TTC6: variants seen among roughly 807,000 people sequenced by gnomAD.
The protein encoded by TTC6 is tetratricopeptide repeat protein 6.
Under a neutral mutation model 210.4 loss-of-function variants are expected in TTC6, and 172 were observed. The observed-to-expected ratio is 0.82, with a 90% CI of 0.72 to 0.93. TTC6 has a LOEUF of 0.93. Ranked by LOEUF, TTC6 falls within the 40% of genes least tolerant of loss-of-function variation. TTC6 has a pLI of 0.00. For missense variants in TTC6, 2,414 were observed against 2,318.1 expected (o/e 1.04, Z -0.85); for synonymous variants, 804 against 819.6 (o/e 0.98, Z 0.32).
At chr14:37,822,124 T>A (rs2096159311) in intron 26 of TTC6, among the ~76,000 whole-genome samples, 1 of 152,144 alleles carries the variant, frequency 6.6e-6, no homozygotes, top group Non-Finnish European at 1.5e-5. Context: ...GGTGCAGCAC[T>A]CAGGCTGTGT....
chr14:37,623,744 A>G (rs1036109720), intron 1 of TTC6, among the ~76,000 whole-genome samples: 1 of 152,326 alleles, frequency 6.6e-6, no homozygotes, highest in Non-Finnish European at 1.5e-5. Context: ...CTCATCCAAG[A>G]CACTGAGCTG....
At chr14:37,763,556 T>TC (rs2095990580) in intron 14 of TTC6, among the ~76,000 whole-genome samples, 1 of 152,176 alleles carries the variant, frequency 6.6e-6, no homozygotes, top group Non-Finnish European at 1.5e-5. Flanking sequence ...AGGAATTTCG[T>TC]CATTTCTTCT....
At chr14:37,676,002 C>A (rs1229788745) in intron 1 of TTC6, among the ~76,000 whole-genome samples, 2 of 152,018 alleles carry the variant, frequency 1.3e-5, no homozygotes, top group East Asian at 3.9e-4. Flanking sequence ...TGATTCACAG[C>A]AGAGAGTTAG....
intron 5 of TTC6, among the ~76,000 whole-genome samples, chr14:37,712,272 C>T (rs1272377267): frequency 1.3e-5 from 2 of 152,132 alleles, no homozygotes; most frequent in African/African-American, 4.8e-5. Context: ...GGCATAGAGC[C>T]AGAGAAAAGT....
intron 14 of TTC6, among the ~76,000 whole-genome samples, chr14:37,755,725 T>C (rs2095965574): frequency 6.6e-6 from 1 of 152,218 alleles, no homozygotes; most frequent in Admixed American, 6.5e-5. Context: ...TCTGTTTTGA[T>C]ACCAGAACCA....
intron 1 of TTC6, among the ~76,000 whole-genome samples, chr14:37,675,515 G>A (rs1595091034): frequency 6.6e-6 from 1 of 152,174 alleles, no homozygotes; most frequent in South Asian, 2.1e-4. Flanking sequence ...TGTCTATTGT[G>A]AATAGTGCTG....
chr14:37,750,201 C>T (rs994525232), intron 12 of TTC6, among the ~76,000 whole-genome samples: 1 of 152,090 alleles, frequency 6.6e-6, no homozygotes, highest in Non-Finnish European at 1.5e-5. Context: ...AGTTATTGTG[C>T]GCCTAGGATT....
Position 37,721,035 on chromosome 14 carries a change from A to AT in TTC6, c.1714-3861dup, listed in dbSNP as rs534278137. On this transcript the variant is annotated intron_variant, in intron 6 of 30. Transcript: ENST00000553443. ...TCTTAAAACTGCCTGTGAATCTACA[A>AT]TTATCTCAAAATAAAAATCCTAATA... 9.5e-4 allele frequency among the ~76,000 whole-genome samples: 144 copies of AT among 151,886 alleles called. No homozygotes were observed. In the Middle Eastern group the frequency reaches 0.021, roughly 22 times the overall value.
At chr14:37,834,699 A>G (rs1477316457) in intron 29 of TTC6, among the ~76,000 whole-genome samples, 1 of 152,100 alleles carries the variant, frequency 6.6e-6, no homozygotes, top group African/African-American at 2.4e-5. Flanking sequence ...GGGGTCTGCT[A>G]CTGTAGATTT....
At chr14:37,605,688 C>A (rs990789905) in intron 1 of TTC6, among the ~76,000 whole-genome samples, 1 of 152,148 alleles carries the variant, frequency 6.6e-6, no homozygotes, top group African/African-American at 2.4e-5. Flanking sequence ...ACCTCAAACT[C>A]AGTAAAATCT....
chr14:37,632,990 C>G (rs2139349974), intron 1 of TTC6, among the ~76,000 whole-genome samples: 1 of 152,328 alleles, frequency 6.6e-6, no homozygotes, highest in Admixed American at 6.5e-5. Flanking sequence ...CCTTGAGTGT[C>G]CCAGGTTGAC....
intron 29 of TTC6, among the ~76,000 whole-genome samples, chr14:37,835,211 GGT>G (rs1316621265): frequency 6.6e-6 from 1 of 152,096 alleles, no homozygotes; most frequent in African/African-American, 2.4e-5. Context: ...AAGCACCAGT[GGT>G]GTCCATGGCA....
intron 10 of TTC6, among the ~76,000 whole-genome samples, chr14:37,742,040 A>G (rs1214849706): frequency 1.3e-5 from 2 of 151,908 alleles, no homozygotes; most frequent in African/African-American, 4.8e-5. Context: ...ACTCCCTTGT[A>G]CCCACTGCCT....
exon 1 of TTC6, chr14:37,622,299 C>T: frequency 2.6e-6 from 4 of 1,534,900 alleles, no homozygotes; most frequent in Non-Finnish European, 3.5e-6. Flanking sequence ...ATACCCTTCG[C>T]TTAAAGGCCC....
Position 37,804,216 on chromosome 14 carries a change from A to T in TTC6, c.4030-464A>T, listed in dbSNP as rs191646062. ...ATTTTTTTGGTGCCAATAAAACCCTATTAGGAGGACAGCAGGACACAATAA... is the reference window on the plus strand; with the variant it reads ...ATTTTTTTGGTGCCAATAAAACCCTTTTAGGAGGACAGCAGGACACAATAA... On this transcript the variant is annotated intron_variant, in intron 20 of 30. Transcript: ENST00000553443. 1.5e-3 allele frequency among the ~76,000 whole-genome samples: 222 copies of T among 152,300 alleles called. 1 individual carries two copies. Among genetic ancestry groups the T allele is most frequent in the Middle Eastern group, 3.4e-3 (1 of 294 alleles).
chr14:37,629,831 T>C (rs1224207706), intron 1 of TTC6, among the ~76,000 whole-genome samples: 1 of 152,222 alleles, frequency 6.6e-6, no homozygotes, highest in Non-Finnish European at 1.5e-5. Context: ...TGTTGAATTT[T>C]ATTGAAGGCC....
At chr14:37,783,639 G>T in intron 14 of TTC6, among the ~76,000 whole-genome samples, 1 of 152,002 alleles carries the variant, frequency 6.6e-6, no homozygotes, top group African/African-American at 2.4e-5. Context: ...CCTGAGTTCT[G>T]CTCTGATCTT....
intron 1 of TTC6, among the ~76,000 whole-genome samples, chr14:37,629,060 T>G (rs1184081660): frequency 2.6e-5 from 4 of 152,182 alleles, no homozygotes; most frequent in Non-Finnish European, 5.9e-5. Context: ...GCTTTATTCT[T>G]TTTGCTTAGG....
At chr14:37,824,001 G>C (rs776556682) in intron 27 of TTC6, 44 bp downstream of exon 29, 15 of 1,565,050 alleles carry the variant, frequency 9.6e-6, no homozygotes, top group Admixed American at 1.7e-5. Flanking sequence ...GTTTTGGGGA[G>C]AAAGAATATA....
Sources: allele counts gnomAD v4.1 joint callset (sites outside exome capture counted in the v4.1 genomes callset), GRCh38; gene constraint gnomAD v4.1.1; transcripts MANE v1.5; gene names NCBI Gene and HGNC (gene_info 2026-07-23, HGNC 2026-07-21).